The following PCDHA6 variants were observed in gnomAD, a reference collection of about 807,000 sequenced individuals.
PCDHA6 encodes protocadherin alpha 6.
In PCDHA6, 55 loss-of-function variants were observed where a neutral mutation model predicts 60.3. That is an observed-to-expected ratio of 0.91 (90% confidence interval 0.73 to 1.14). PCDHA6 has a LOEUF of 1.14. PCDHA6 is among the 50% of genes most tolerant of loss of function. The pLI is 0.00. For missense variants in PCDHA6, 1,327 were observed against 1,256.5 expected, an observed-to-expected ratio of 1.06 and a Z score of -0.85; for synonymous variants, 652 against 557.9, an observed-to-expected ratio of 1.17 and a Z score of -2.38.
At chr5:140,905,704 T>C (rs960569704) in intron 1 of PCDHA6, among the ~76,000 whole-genome samples, 2 of 152,242 alleles carry the variant, frequency 1.3e-5, no homozygotes, top group African/African-American at 4.8e-5. Context: ...TCATTTATGA[T>C]TTCCTTCAGC....
chr5:140,969,264 C>T, intron 1 of PCDHA6: 1 of 1,614,208 alleles, frequency 6.2e-7, no homozygotes, highest in Non-Finnish European at 8.5e-7. Flanking sequence ...AGGAATCTCA[C>T]AGGCCAAAGT....
At chr5:140,966,528 G>C in intron 1 of PCDHA6, 1 of 446,634 alleles carries the variant, frequency 2.2e-6, no homozygotes, top group Non-Finnish European at 3.9e-6. Context: ...AGCCGAGCCG[G>C]GTTGAGCGAC....
At chr5:140,857,833 A>C (rs1554150723) in intron 1 of PCDHA6, 1 of 1,597,676 alleles carries the variant, frequency 6.3e-7, no homozygotes. Context: ...AGGTGCGCGC[A>C]GTGGACGCTG....
In PCDHA6 at chr5:140,904,302, A is replaced by C. The variant is rs553969479; in HGVS notation, c.2394+73817A>C. Among the ~76,000 whole-genome samples, 22 of 151,950 alleles carry C rather than the reference A, an allele frequency of 1.4e-4. No individual in the cohort carries two copies. In the East Asian group the frequency reaches 3.9e-3, roughly 27 times the overall value. On this transcript the variant is annotated intron_variant, in intron 1 of 3. Transcript: ENST00000529310. ...TGTGGTGTTTGGTTTTCCATTCCTG[A>C]GTTTCTTCACTTAGAATAATGGTCT...
chr5:140,865,345 A>T (rs555567469), intron 1 of PCDHA6: 4 of 152,320 alleles, frequency 2.6e-5, no homozygotes, highest in African/African-American at 9.6e-5. Context: ...GAAATAGTAT[A>T]TTTACATATT....
chr5:140,945,927 G>A (rs1036727708), intron 1 of PCDHA6, among the ~76,000 whole-genome samples: 1 of 152,038 alleles, frequency 6.6e-6, no homozygotes, highest in East Asian at 1.9e-4. Flanking sequence ...ACTGATCTGA[G>A]CAATGATGTT....
chr5:140,870,632 A>G, intron 1 of PCDHA6: 1 of 1,612,930 alleles, frequency 6.2e-7, no homozygotes, highest in Non-Finnish European at 8.5e-7. Flanking sequence ...GTGTCGGTGC[A>G]CGCGGAGAGC....
At position 140,982,508 on chromosome 5, in the gene PCDHA6, G is replaced by A. The variant is rs1586930589; in HGVS notation, c.2487G>A (p.Arg829=). The change falls in exon 3 of 4, where the codon CGG becomes CGA. Residue 829 remains arginine, a synonymous_variant. Transcript: ENST00000529310. The part of the protein sequence containing the change: ...SVHLEEAGIL[R]AGPGGPDQQW... The stretch of plus-strand genomic sequence containing the variant: ...ACCTAGAGGAGGCTGGCATTCTACG[G>A]GCTGGTCCAGGAGGGCCTGATCAGC... The A allele has an allele frequency of 6.2e-7, 1 of 1,614,154 alleles. No individual in the cohort carries two copies. Among genetic ancestry groups the A allele is most frequent in the Non-Finnish European group, 8.5e-7 (1 of 1,180,018 alleles).
Position 140,968,897 on chromosome 5 carries a change from G to A in PCDHA6, c.2395-10052G>A, listed in dbSNP as rs1554231210. On this transcript the variant is annotated intron_variant, in intron 1 of 3. Transcript: ENST00000529310. The stretch of plus-strand genomic sequence containing the variant: ...TGAAATTACCCTTTATCTAATAATA[G>A]CATTAAGCACAGTGTCTTTTATATT... The A allele has an allele frequency of 3.7e-6, 6 of 1,614,034 alleles. No homozygotes were observed. In the African/African-American group the frequency reaches 4.0e-5, roughly 11 times the overall value.
At chr5:140,852,880 A>C in intron 1 of PCDHA6, 1 of 943,656 alleles carries the variant, frequency 1.1e-6, no homozygotes, top group Non-Finnish European at 1.3e-6. Context: ...ATAATCATAA[A>C]ACGTATTTTT....
chr5:140,897,424 T>G (rs2066099863), intron 1 of PCDHA6, among the ~76,000 whole-genome samples: 1 of 148,866 alleles, frequency 6.7e-6, no homozygotes, highest in Non-Finnish European at 1.5e-5. Flanking sequence ...CATCTATGAG[T>G]GAGAACATGC....
At chr5:140,955,590 C>CTT (rs1554221986) in intron 1 of PCDHA6, among the ~76,000 whole-genome samples, 2 of 152,132 alleles carry the variant, frequency 1.3e-5, no homozygotes, top group East Asian at 3.9e-4. Context: ...AAACCTCTTT[C>CTT]TTTTATAAAT....
At chr5:140,916,363 T>C (rs2077541371) in intron 1 of PCDHA6, among the ~76,000 whole-genome samples, 2 of 152,124 alleles carry the variant, frequency 1.3e-5, no homozygotes, top group African/African-American at 4.8e-5. Context: ...GAAGGAGTCT[T>C]TCACTGTAGC....
chr5:141,010,446 C>G lies in PCDHA6; in HGVS notation c.*509C>G, dbSNP rs951181939. 39 of 944,590 alleles carry G rather than the reference C, an allele frequency of 4.1e-5. No homozygotes were observed. Among genetic ancestry groups the G allele is most frequent in the Non-Finnish European group, 5.6e-5 (37 of 656,282 alleles). The allele number at this position is 944,590 out of a possible 1,614,324, so 58.5% of individuals were successfully genotyped here. On this transcript the variant is annotated 3_prime_UTR_variant, in exon 4 of 4. Coordinates refer to ENST00000529310, the MANE Select transcript of PCDHA6 (RefSeq NM_018909.4). ...AGGCAAGAAAACAAAGACAAATAAA[C>G]AGCGGAAGTTATCAGTATGGAGGGG...
chr5:140,943,257 C>CA (rs1238620023), intron 1 of PCDHA6, among the ~76,000 whole-genome samples: 3,333 of 76,804 alleles, frequency 0.043, 169 homozygotes, highest in Admixed American at 0.1. Context: ...GACTCTGTCT[C>CA]AAAAAAAAAA....
intron 1 of PCDHA6, among the ~76,000 whole-genome samples, chr5:140,907,439 A>G (rs1217956706): frequency 6.6e-6 from 1 of 152,250 alleles, no homozygotes; most frequent in Admixed American, 6.5e-5. Context: ...CTGTGAGTCC[A>G]CAGATGGTAA....
intron 1 of PCDHA6, among the ~76,000 whole-genome samples, chr5:140,905,243 T>C (rs962108553): frequency 7.2e-5 from 11 of 152,184 alleles, no homozygotes; most frequent in Non-Finnish European, 1.5e-4. Context: ...CCAGTTTCAT[T>C]CTTCCACATG....
chr5:140,849,687 G>T, intron 1 of PCDHA6: 1 of 1,598,686 alleles, frequency 6.3e-7, no homozygotes. Context: ...CTTCAAGCTG[G>T]TGTCCACCTA....
chr5:140,857,359 G>A lies in PCDHA6; in HGVS notation c.2394+26874G>A, dbSNP rs200721411. The A allele has an allele frequency of 2.9e-5, 46 of 1,598,282 alleles. 7 individuals carry two copies. The highest frequency in any genetic ancestry group is 3.8e-5 in the Non-Finnish European group (44 of 1,167,900). ...GGGGCTCGCCTCCGCTGTGGGCCAC[G>A]GCCAGCGTGTCTGTGGAGGTGGCCG... On this transcript the variant is annotated intron_variant, in intron 1 of 3. Coordinates refer to ENST00000529310, the MANE Select transcript of PCDHA6 (RefSeq NM_018909.4).
Sources: gnomAD v4.1 joint callset for allele counts (sites outside exome capture counted in the v4.1 genomes callset) on GRCh38, gnomAD v4.1.1 for gene constraint, MANE v1.5 for transcripts, NCBI Gene and HGNC (gene_info 2026-07-23, HGNC 2026-07-21) for gene names.